MYH11: variants seen among roughly 807,000 people sequenced by gnomAD.
The protein encoded by MYH11 is myosin heavy chain 11.
A neutral mutation model predicts 246.6 loss-of-function variants in MYH11; 80 were observed. That is an observed-to-expected ratio of 0.32 (90% CI 0.27 to 0.39). MYH11 has a LOEUF of 0.39. Among genes scored for constraint, MYH11 ranks in the 10% least tolerant of loss-of-function variants. The probability of loss-of-function intolerance (pLI) is 1.00; values close to 1 mark genes in which losing one functional copy is unlikely to be tolerated. For missense variants in MYH11, 2,158 were observed against 2,546.8 expected (o/e 0.85, Z 3.29); for synonymous variants, 1,071 against 1,015.5 (o/e 1.05, Z -1.04).
Position 15,753,397 on chromosome 16 carries a change from C to T in MYH11, c.1861G>A (p.Asp621Asn). 1.2e-6 allele frequency: 2 copies of T among 1,613,880 alleles called. No homozygotes were observed. The highest frequency in any genetic ancestry group is 1.7e-6 in the Non-Finnish European group (2 of 1,179,764). ...ACCCGAGCAGAGAAGGCCTTACCGT[C>T]CTTCCACAGGTCGGCCACAAACTTG... ...SDKFVADLWK[D>N]VDRIVGLDQM... Residue 621 changes from aspartate to asparagine, a missense_variant, in exon 15 of 41, where the codon GAC becomes AAC. By Grantham distance (23) the Asp-to-Asn change is conservative. This residue lies in a region of MYH11 where 317 missense variants were observed against 507.7 expected (regional missense o/e 0.62). Coordinates refer to ENST00000300036, the MANE Select transcript of MYH11 (RefSeq NM_002474.3).
At chr16:15,711,307 CTT>C (rs1282842070) in intron 40 of MYH11, 1 of 152,160 alleles carries the variant, frequency 6.6e-6, no homozygotes, top group Non-Finnish European at 1.5e-5. Context: ...CTTTCCAACT[CTT>C]TTTAAACAAG....
intron 1 of MYH11, among the ~76,000 whole-genome samples, chr16:15,838,911 T>C (rs2043979740): frequency 7.0e-6 from 1 of 142,160 alleles, no homozygotes; most frequent in African/African-American, 2.6e-5. Flanking sequence ...CACGTGCTAA[T>C]ATGGGAAGAT....
Position 15,708,831 on chromosome 16 carries a change from G to A in MYH11, c.5787-4708C>T, listed in dbSNP as rs200884440. ...GTGCATCACTGCGAAGTTTCCTGTG[G>A]GGGGGGCCCTCTGAAACAGAGAGAG... is the stretch of plus-strand genomic sequence containing the variant. On this transcript the variant is annotated intron_variant, in intron 40 of 40. Transcript: ENST00000300036. 20 of 1,610,020 alleles carry A rather than the reference G, an allele frequency of 1.2e-5. No homozygotes were observed. The Admixed American group carries it at 3.2e-4, about 26-fold the overall frequency.
At chr16:15,849,450 C>T (rs1567219392) in intron 1 of MYH11, among the ~76,000 whole-genome samples, 1 of 151,400 alleles carries the variant, frequency 6.6e-6, no homozygotes, top group Non-Finnish European at 1.5e-5. Context: ...CTGCTTCATT[C>T]TTTTTTTTTG....
At chr16:15,712,519 C>T (rs2039861429) in intron 40 of MYH11, among the ~76,000 whole-genome samples, 1 of 151,972 alleles carries the variant, frequency 6.6e-6, no homozygotes, top group Non-Finnish European at 1.5e-5. Context: ...ATAGCTTGAA[C>T]TGGGAGGCAG....
chr16:15,841,148 T>C (rs1376056946), intron 1 of MYH11, among the ~76,000 whole-genome samples: 1 of 152,180 alleles, frequency 6.6e-6, no homozygotes, highest in Non-Finnish European at 1.5e-5. Context: ...ATTTTTGTTG[T>C]TGTTGTTTGA....
At chr16:15,854,291 T>C (rs1419632248) in intron 1 of MYH11, among the ~76,000 whole-genome samples, 4 of 152,180 alleles carry the variant, frequency 2.6e-5, no homozygotes, top group Non-Finnish European at 4.4e-5. Context: ...TTGTGTTTGC[T>C]ATAAATAACC....
chr16:15,716,492 C>T (rs961915193), intron 38 of MYH11, among the ~76,000 whole-genome samples: 8 of 151,964 alleles, frequency 5.3e-5, no homozygotes, highest in Non-Finnish European at 1.0e-4. Flanking sequence ...AATGGGCTGC[C>T]GGTTGGACTT....
chr16:15,725,028 T>C (rs2040681643), intron 28 of MYH11, 36 bp from the exon 29 acceptor site: 1 of 1,577,522 alleles, frequency 6.3e-7, no homozygotes, highest in South Asian at 1.1e-5. Context: ...TCAAAGCCTC[T>C]AGAAGGGGAT....
chr16:15,763,741 T>TGGGGGGGCCCCCCCCCCCCC, intron 10 of MYH11, 55 bp downstream of exon 10: 2 of 646,852 alleles, frequency 3.1e-6, no homozygotes, highest in Non-Finnish European at 2.9e-6. Flanking sequence ...AAATGTCACC[T>TGGGGGGGCCCCCCCCCCCCC]CCCCCACCCC....
At chr16:15,710,204 A>G (rs889584610) in intron 40 of MYH11, among the ~76,000 whole-genome samples, 21 of 152,168 alleles carry the variant, frequency 1.4e-4, no homozygotes, top group African/African-American at 5.1e-4. Context: ...CAGAACCCAC[A>G]GGAGGTGTCC....
At chr16:15,712,893 T>TTTTTTTTTTTTTTTTTTTTTTTTTTTG (rs2039896576) in intron 40 of MYH11, 1 of 146,536 alleles carries the variant, frequency 6.8e-6, no homozygotes, top group African/African-American at 2.5e-5. Context: ...TTTTTTTTTT[T>TTTTTTTTTTTTTTTTTTTTTTTTTTTG]TTGAGACCGA....
chr16:15,713,034 T>C (rs1055655259), intron 40 of MYH11: 3 of 151,800 alleles, frequency 2.0e-5, no homozygotes, highest in Non-Finnish European at 4.4e-5. Flanking sequence ...TTATATTTTT[T>C]GGTAGAGACA....
chr16:15,776,747 C>T (rs965135735), intron 7 of MYH11, among the ~76,000 whole-genome samples: 2 of 152,126 alleles, frequency 1.3e-5, no homozygotes, highest in Admixed American at 1.3e-4. Flanking sequence ...TGGGGTCTGA[C>T]GGGATGGAGG....
chr16:15,804,283 C>A (rs1247094469), intron 3 of MYH11, among the ~76,000 whole-genome samples: 6 of 152,142 alleles, frequency 3.9e-5, no homozygotes, highest in Non-Finnish European at 8.8e-5. Flanking sequence ...GTAATCCCAG[C>A]ACTTTGGGAG....
chr16:15,841,285 G>A (rs1181237245), intron 1 of MYH11, among the ~76,000 whole-genome samples: 2 of 152,126 alleles, frequency 1.3e-5, no homozygotes, highest in African/African-American at 2.4e-5. Context: ...TTACAGGCGT[G>A]CACCATCACA....
chr16:15,732,180 C>T (rs1323082950), intron 27 of MYH11, among the ~76,000 whole-genome samples: 1 of 152,056 alleles, frequency 6.6e-6, no homozygotes, highest in Non-Finnish European at 1.5e-5. Context: ...CCAGGCTGGT[C>T]TCGAACTCCT....
chr16:15,721,769 G>A, intron 31 of MYH11, 135 bp from the exon 32 acceptor site: 1 of 856,354 alleles, frequency 1.2e-6, no homozygotes, highest in East Asian at 2.6e-5. Flanking sequence ...TTAGCTATGG[G>A]AGTAATTTAT....
intron 32 of MYH11, 102 bp downstream of exon 32, chr16:15,721,320 C>G (rs112426613): frequency 7.5e-7 from 1 of 1,324,520 alleles, no homozygotes; most frequent in Non-Finnish European, 1.1e-6. Flanking sequence ...GATGATAGTT[C>G]GCTATGAAAA....
Sources: gnomAD v4.1 joint callset for allele counts (sites outside exome capture counted in the v4.1 genomes callset) on GRCh38, gnomAD v4.1.1 for gene constraint, gnomAD v4.1.1 regional missense constraint, MANE v1.5 for transcripts, NCBI Gene and HGNC (gene_info 2026-07-23, HGNC 2026-07-21) for gene names.